Variants in ELMOD3 observed in about 807,000 individuals in gnomAD.
The protein encoded by ELMOD3 is ELMO domain containing 3.
Under a neutral mutation model 47.4 loss-of-function variants are expected in ELMOD3, and 36 were observed. That is an observed-to-expected ratio of 0.76 (90% CI 0.58 to 1.00). The LOEUF is 1.00. Among genes scored for constraint, ELMOD3 ranks in the 50% least tolerant of loss-of-function variants. The pLI is 0.00. For synonymous variants in ELMOD3, 149 were observed against 183.5 expected, an observed-to-expected ratio of 0.81 and a Z score of 1.52; for missense variants, 404 against 463.8, an observed-to-expected ratio of 0.87 and a Z score of 1.18.
chr2:85,360,762 G>C (rs1213592123), intron 4 of ELMOD3: 1 of 238,650 alleles, frequency 4.2e-6, no homozygotes, highest in Non-Finnish European at 9.2e-6. Flanking sequence ...AACAAACTTA[G>C]GCTCATAAGC....
intron 10 of ELMOD3, among the ~76,000 whole-genome samples, chr2:85,375,519 T>C (rs970090133): frequency 6.6e-6 from 1 of 152,204 alleles, no homozygotes; most frequent in African/African-American, 2.4e-5. Context: ...TATTTTTCAG[T>C]TCTAAAGTTT....
chr2:85,363,206 C>G (rs751647172), intron 6 of ELMOD3, 40 bp downstream of exon 6: 1 of 1,114,446 alleles, frequency 9.0e-7, no homozygotes, highest in Non-Finnish European at 1.4e-6. Context: ...TGGGTGGGAC[C>G]CAAGTCAGAC....
In ELMOD3 at chr2:85,371,445, C is replaced by A. The variant is rs147341196; in HGVS notation, c.490C>A (p.Leu164Met). The stretch of plus-strand genomic sequence containing the variant: ...GTGGGTGTGTTTTGGGGCAGGTGGC[C>A]TGGATAGCCAAGACCCAGTGCATGG... ...DLVLTIAQCG[L>M]DSQDPVHGRV... The change falls in exon 10 of 14, where the codon CTG becomes ATG. Residue 164 changes from leucine (L) to methionine (M), a missense_variant. Transcript: ENST00000409013. 511 of 1,614,050 alleles carry A rather than the reference C, an allele frequency of 3.2e-4. No homozygotes were observed. Among genetic ancestry groups the A allele is most frequent in the Non-Finnish European group, 4.2e-4 (494 of 1,180,038 alleles).
chr2:85,381,394 A>C (rs1391980137), intron 11 of ELMOD3, among the ~76,000 whole-genome samples: 1 of 152,260 alleles, frequency 6.6e-6, no homozygotes, highest in African/African-American at 2.4e-5. Context: ...TTGATTTTTC[A>C]ATCAATAAGC....
intron 11 of ELMOD3, among the ~76,000 whole-genome samples, chr2:85,382,770 C>G (rs1026410529): frequency 2.0e-5 from 3 of 152,106 alleles, no homozygotes; most frequent in African/African-American, 7.2e-5. Context: ...CACGCCTTGG[C>G]CTCCCAAAGT....
intron 11 of ELMOD3, chr2:85,389,406 G>A (rs2104748674): frequency 6.2e-6 from 2 of 324,344 alleles, no homozygotes; most frequent in South Asian, 3.9e-5. Context: ...AGGAGATGAT[G>A]TGGGCCCAGG....
intron 10 of ELMOD3, among the ~76,000 whole-genome samples, chr2:85,373,919 CT>C (rs769671833): frequency 0.15 from 18,563 of 124,450 alleles, 1,056 homozygotes; most frequent in Non-Finnish European, 0.21. Context: ...TCCTAACCCT[CT>C]TTTTTTTTTT....
At chr2:85,364,825 A>ATATATATATT (rs375582916) in intron 6 of ELMOD3, among the ~76,000 whole-genome samples, 202 of 69,900 alleles carry the variant, frequency 2.9e-3, no homozygotes, top group Non-Finnish European at 4.1e-3. Context: ...ATATATATAT[A>ATATATATATT]TTTTTTTTTT....
chr2:85,365,512 T>C (rs896909964), intron 6 of ELMOD3, among the ~76,000 whole-genome samples: 3 of 152,162 alleles, frequency 2.0e-5, no homozygotes, highest in African/African-American at 7.2e-5. Flanking sequence ...TAACGTGAGC[T>C]GTGTTAATTA....
intron 6 of ELMOD3, chr2:85,368,429 G>A (rs1573104255): frequency 2.1e-6 from 1 of 476,976 alleles, no homozygotes; most frequent in South Asian, 2.3e-5. Flanking sequence ...GACCACCCGG[G>A]AGTGGGGGAT....
intron 6 of ELMOD3, among the ~76,000 whole-genome samples, chr2:85,364,823 ATATTTT>A (rs1444881838): frequency 3.4e-5 from 3 of 87,018 alleles, no homozygotes; most frequent in African/African-American, 5.9e-5. Flanking sequence ...ATATATATAT[ATATTTT>A]TTTTTTTTTT....
intron 4 of ELMOD3, 159 bp downstream of exon 4, chr2:85,357,411 T>C (rs971877310): frequency 1.3e-5 from 6 of 448,308 alleles, no homozygotes; most frequent in Admixed American, 8.4e-5. Flanking sequence ...TCAGGGTCAA[T>C]TGCTTTTCCT....
intron 4 of ELMOD3, among the ~76,000 whole-genome samples, chr2:85,359,691 A>G (rs1683813645): frequency 6.6e-6 from 1 of 151,932 alleles, no homozygotes. Flanking sequence ...CAGCCTCCCA[A>G]AGTGCTGAGA....
At chr2:85,361,632 T>C (rs1683961662) in intron 4 of ELMOD3, among the ~76,000 whole-genome samples, 1 of 152,054 alleles carries the variant, frequency 6.6e-6, no homozygotes, top group Non-Finnish European at 1.5e-5. Context: ...TGGGGCCTAT[T>C]GGAAAGTGGA....
At chr2:85,364,381 C>G (rs1000621598) in intron 6 of ELMOD3, among the ~76,000 whole-genome samples, 1 of 151,848 alleles carries the variant, frequency 6.6e-6, no homozygotes, top group African/African-American at 2.4e-5. Flanking sequence ...GTCAGGAGTT[C>G]AAGACCAGCC....
Position 85,390,977 on chromosome 2 carries a change from G to A in ELMOD3, c.*15G>A. On this transcript the variant is annotated 3_prime_UTR_variant, in exon 14 of 14. Transcript: ENST00000409013. ...GGCTGATCTGACCTCCGAGATGAATGGAGGCTTAAAGGCTGAGCTGCAGGG... is the reference window on the plus strand; with the variant it reads ...GGCTGATCTGACCTCCGAGATGAATAGAGGCTTAAAGGCTGAGCTGCAGGG... 1 of 1,548,646 alleles carries A rather than the reference G, an allele frequency of 6.5e-7. No homozygotes were observed. The highest frequency in any genetic ancestry group is 8.7e-7 in the Non-Finnish European group (1 of 1,144,826).
intron 10 of ELMOD3, among the ~76,000 whole-genome samples, chr2:85,373,568 C>T (rs942003923): frequency 1.3e-5 from 2 of 151,922 alleles, no homozygotes; most frequent in Non-Finnish European, 2.9e-5. Flanking sequence ...GGGCCAGGCA[C>T]GGTGGCTCAC....
In ELMOD3 at chr2:85,386,823, G is replaced by A. The variant is rs146951945; in HGVS notation, c.739-2928G>A. Among the ~76,000 whole-genome samples the A allele has an allele frequency of 3.1e-3, 468 of 152,256 alleles. 1 individual carries two copies. Among genetic ancestry groups the A allele is most frequent in the Admixed American group, 7.3e-3 (112 of 15,296 alleles). ...CCAGCCTGATCAACAGATCAACATG[G>A]AGAAACCTTGTCTCTACTAAAAATA... On this transcript the variant is annotated intron_variant, in intron 11 of 13. Transcript: ENST00000409013.
At chr2:85,366,984 G>T (rs1684431430) in intron 6 of ELMOD3, among the ~76,000 whole-genome samples, 1 of 152,224 alleles carries the variant, frequency 6.6e-6, no homozygotes, top group Non-Finnish European at 1.5e-5. Flanking sequence ...GCCGCTAGCA[G>T]TTTGAGCCAG....
Sources: gnomAD v4.1 joint callset for allele counts (sites outside exome capture counted in the v4.1 genomes callset) on GRCh38, gnomAD v4.1.1 for gene constraint, MANE v1.5 for transcripts, NCBI Gene and HGNC (gene_info 2026-07-23, HGNC 2026-07-21) for gene names.